Variants in TMEM181 observed in about 807,000 individuals in gnomAD.
TMEM181 encodes the protein transmembrane protein 181.
In TMEM181, 39 loss-of-function variants were observed where a neutral mutation model predicts 71.9. That is an observed-to-expected ratio of 0.54 (90% CI 0.42 to 0.71). The LOEUF (loss-of-function observed/expected upper bound fraction) is 0.71. Ranked by LOEUF, TMEM181 falls within the 30% of genes least tolerant of loss-of-function variation. TMEM181 has a pLI of 0.00. For synonymous variants in TMEM181, 245 were observed against 228.8 expected (o/e 1.07, Z -0.64); for missense variants, 595 against 583.0 (o/e 1.02, Z -0.21).
chr6:158,552,466 C>T (rs1452344075), intron 1 of TMEM181, among the ~76,000 whole-genome samples: 3 of 152,292 alleles, frequency 2.0e-5, no homozygotes, highest in Middle Eastern at 3.4e-3. Flanking sequence ...TCTTAGAGAA[C>T]GTGAGAGCCT....
At chr6:158,596,166 C>T (rs530745200) in intron 6 of TMEM181, among the ~76,000 whole-genome samples, 7 of 152,220 alleles carry the variant, frequency 4.6e-5, no homozygotes, top group East Asian at 3.9e-4. Context: ...ATGATCCGCC[C>T]GCCTAGTCTC....
At chr6:158,626,932 ATT>A (rs1562315752) in intron 13 of TMEM181, among the ~76,000 whole-genome samples, 11 of 77,356 alleles carry the variant, frequency 1.4e-4, no homozygotes, top group African/African-American at 4.6e-4. Flanking sequence ...TCTCACCCTC[ATT>A]CTCACCCTCA....
intron 3 of TMEM181, 28 bp from the exon 4 acceptor site, chr6:158,583,926 A>G (rs1783614580): frequency 3.8e-6 from 6 of 1,559,818 alleles, no homozygotes; most frequent in Non-Finnish European, 4.4e-6. Flanking sequence ...AAAAGGTCAC[A>G]TGGATTACTT....
chr6:158,544,632 T>C (rs1781466175), intron 1 of TMEM181, among the ~76,000 whole-genome samples: 1 of 152,174 alleles, frequency 6.6e-6, no homozygotes. Context: ...CCTGAGCTCT[T>C]GCGCTCTGGG....
chr6:158,582,045 CA>C (rs1302537540), intron 3 of TMEM181, among the ~76,000 whole-genome samples: 2 of 152,088 alleles, frequency 1.3e-5, no homozygotes, highest in African/African-American at 4.8e-5. Flanking sequence ...TATAATTTTG[CA>C]AAAAGTCAAA....
At chr6:158,599,830 C>A (rs1405213799) in intron 6 of TMEM181, among the ~76,000 whole-genome samples, 1 of 152,250 alleles carries the variant, frequency 6.6e-6, no homozygotes, top group African/African-American at 2.4e-5. Flanking sequence ...GCCCTTGGCA[C>A]AAACGCATGT....
intron 1 of TMEM181, among the ~76,000 whole-genome samples, chr6:158,538,323 T>G (rs9295081): frequency 0.19 from 29,578 of 151,692 alleles, 3,161 homozygotes; most frequent in Non-Finnish European, 0.21. Flanking sequence ...ATCACCTGAT[T>G]TTTATATTTT....
intron 1 of TMEM181, among the ~76,000 whole-genome samples, chr6:158,538,059 T>TC (rs1781192897): frequency 6.6e-6 from 1 of 151,944 alleles, no homozygotes; most frequent in Admixed American, 6.6e-5. Flanking sequence ...GGGAAAAGAA[T>TC]CCACAGTTTC....
intron 1 of TMEM181, among the ~76,000 whole-genome samples, chr6:158,539,934 C>G (rs1411697844): frequency 6.6e-6 from 1 of 152,196 alleles, no homozygotes; most frequent in Non-Finnish European, 1.5e-5. Context: ...GACTCAGACA[C>G]TTTATGAAGA....
At chr6:158,552,190 T>G (rs1291459868) in intron 1 of TMEM181, among the ~76,000 whole-genome samples, 1 of 152,250 alleles carries the variant, frequency 6.6e-6, no homozygotes, top group Non-Finnish European at 1.5e-5. Flanking sequence ...CACAGGAAGT[T>G]ATCCTAATAA....
At chr6:158,598,759 T>C (rs1182206432) in intron 6 of TMEM181, among the ~76,000 whole-genome samples, 4 of 151,988 alleles carry the variant, frequency 2.6e-5, no homozygotes, top group African/African-American at 9.7e-5. Context: ...CTGCAAGCTC[T>C]GCCTCCCGGG....
rs772745152 is a variant in TMEM181 at position 158,605,236 on chromosome 6, T to C, written c.493-31T>C. Reference sequence around the variant, plus strand: ...TTCTCTTAGATGCATATATATTTTTTTCAAATTGTTTTCTCCACTTTCTAT... The same window carrying C: ...TTCTCTTAGATGCATATATATTTTTCTCAAATTGTTTTCTCCACTTTCTAT... On this transcript the variant is annotated intron_variant, in intron 6 of 16. Coordinates refer to ENST00000684151, the MANE Select transcript of TMEM181 (RefSeq NM_001376852.1). The C allele has an allele frequency of 2.5e-6, 4 of 1,579,000 alleles. No individual in the cohort carries two copies. The Admixed American group carries it at 6.7e-5, about 26-fold the overall frequency.
chr6:158,624,199 C>G (rs1446416056), intron 11 of TMEM181, among the ~76,000 whole-genome samples: 3 of 152,216 alleles, frequency 2.0e-5, no homozygotes, highest in Non-Finnish European at 4.4e-5. Flanking sequence ...CATGTGGGCT[C>G]TGGAACAGAC....
intron 6 of TMEM181, among the ~76,000 whole-genome samples, chr6:158,602,378 T>C (rs772165584): frequency 5.9e-5 from 9 of 152,224 alleles, no homozygotes; most frequent in Non-Finnish European, 7.3e-5. Flanking sequence ...TGTGGACATA[T>C]GCTTTCATTT....
intron 1 of TMEM181, chr6:158,536,889 G>C: frequency 7.5e-7 from 1 of 1,328,108 alleles, no homozygotes; most frequent in African/African-American, 1.5e-5. Context: ...GGGCAGCGGC[G>C]GGGCGGCCGG....
chr6:158,560,414 C>T (rs6455593), intron 1 of TMEM181, among the ~76,000 whole-genome samples, 182 bp downstream of exon 1: 92,092 of 151,852 alleles, frequency 0.61, 28,798 homozygotes, highest in East Asian at 0.76. Flanking sequence ...TTGCGCGGGG[C>T]GAGAGTAGAC....
chr6:158,557,505 A>ATTTTTATTTAT (rs1554301646), upstream of TMEM181, among the ~76,000 whole-genome samples: 2 of 146,834 alleles, frequency 1.4e-5, no homozygotes, highest in African/African-American at 5.1e-5. Flanking sequence ...CACAGCTGTA[A>ATTTTTATTTAT]TTATTTATTT....
In TMEM181 at chr6:158,549,952, C is replaced by CTTTTT. The variant is rs34066198; in HGVS notation, c.131+13103_131+13107dup. The stretch of plus-strand genomic sequence containing the variant: ...GCCTTCCCCAACCTATTTGTCAGGA[C>CTTTTT]TTTTTTTTTTTTTTTTTTTTAACAC... On this transcript the variant is annotated intron_variant, in intron 1 of 16. Transcript: ENST00000367090. 2.4e-4 allele frequency among the ~76,000 whole-genome samples: 27 copies of CTTTTT among 110,818 alleles called. 1 individual carries two copies. The highest frequency in any genetic ancestry group is 1.3e-3 in the Admixed American group (13 of 10,078). The allele number at this position is 110,818 out of a possible 152,430, so 72.7% of individuals were successfully genotyped here.
intron 1 of TMEM181, among the ~76,000 whole-genome samples, chr6:158,537,505 G>GGACTGCAGACCCTGGCGCCGGC (rs1469137517): frequency 6.6e-6 from 1 of 152,150 alleles, no homozygotes; most frequent in Non-Finnish European, 1.5e-5. Context: ...AGAGCGGTGG[G>GGACTGCAGACCCTGGCGCCGGC]GACTGCAGAC....
Sources: gnomAD v4.1 joint callset for allele counts (sites outside exome capture counted in the v4.1 genomes callset) on GRCh38, gnomAD v4.1.1 for gene constraint, MANE v1.5 for transcripts, NCBI Gene and HGNC (gene_info 2026-07-23, HGNC 2026-07-21) for gene names.